Variants in KCNK13 observed in about 807,000 individuals in gnomAD.
KCNK13 encodes the protein potassium two pore domain channel subfamily K member 13, also known as potassium channel subfamily K member 13.
KCNK13 carries 12 observed loss-of-function variants against 23.4 expected under a neutral mutation model. The ratio of observed to expected loss-of-function variants is 0.51; its 90% CI spans 0.33 to 0.83. The LOEUF (loss-of-function observed/expected upper bound fraction) is 0.83, where lower values mean the gene tolerates loss of function less well. Ranked by LOEUF, KCNK13 falls within the 40% of genes least tolerant of loss-of-function variation. KCNK13 has a pLI of 0.02. For synonymous variants in KCNK13, 231 were observed against 229.5 expected, an observed-to-expected ratio of 1.01 and a Z score of -0.06; for missense variants, 463 against 556.3, an observed-to-expected ratio of 0.83 and a Z score of 1.69.
intron 1 of KCNK13, among the ~76,000 whole-genome samples, chr14:90,084,128 T>C (rs976461905): frequency 1.3e-5 from 2 of 152,176 alleles, no homozygotes; most frequent in Non-Finnish European, 2.9e-5. Flanking sequence ...TGGTTTTTTT[T>C]CCCCCAAGAT....
chr14:90,148,032 G>A (rs1890093596), intron 1 of KCNK13, among the ~76,000 whole-genome samples: 1 of 152,132 alleles, frequency 6.6e-6, no homozygotes, highest in South Asian at 2.1e-4. Flanking sequence ...GCGTGGTGGT[G>A]CATGCCTGTA....
In KCNK13 at chr14:90,078,510, AAAAG is replaced by A. The variant is rs976706653; in HGVS notation, c.334+15978_334+15981del. ...GAAGAAAGGAGAAAGGAAAGAAAGA[AAAAG>A]AAAGAATAAAAGGCATGCTTGGAAT... On this transcript the variant is annotated intron_variant, in intron 1 of 1. Transcript: ENST00000282146. Among the ~76,000 whole-genome samples the A allele has an allele frequency of 2.1e-3, 321 of 152,012 alleles. 3 individuals are homozygous for A. Among genetic ancestry groups the A allele is most frequent in the African/African-American group, 6.6e-3 (273 of 41,460 alleles).
intron 1 of KCNK13, among the ~76,000 whole-genome samples, chr14:90,176,497 G>A (rs942657426): frequency 6.6e-6 from 1 of 151,980 alleles, no homozygotes; most frequent in Admixed American, 6.6e-5. Flanking sequence ...GACATTGGAG[G>A]GGCTTTTTAC....
intron 1 of KCNK13, among the ~76,000 whole-genome samples, chr14:90,152,021 G>T (rs1049018832): frequency 1.3e-5 from 2 of 152,088 alleles, no homozygotes; most frequent in South Asian, 4.1e-4. Context: ...TTTGGTTACA[G>T]TAGCTGATAT....
Position 90,071,500 on chromosome 14 carries a change from A to G in KCNK13, c.334+8961A>G, listed in dbSNP as rs74429139. ...GTCCCTCCTGGTCCCATCTCCCCAC[A>G]TCTCTCTGTGCTCCCTGTTATCAGG... On this transcript the variant is annotated intron_variant, in intron 1 of 1. Coordinates refer to ENST00000282146, the MANE Select transcript of KCNK13 (RefSeq NM_022054.4). Among the ~76,000 whole-genome samples, 1,204 of 151,976 alleles carry G rather than the reference A, an allele frequency of 7.9e-3. 14 individuals are homozygous for G. Among genetic ancestry groups the G allele is most frequent in the African/African-American group, 0.028 (1,143 of 41,406 alleles).
intron 1 of KCNK13, among the ~76,000 whole-genome samples, chr14:90,154,042 G>A (rs1453575708): frequency 6.6e-6 from 1 of 152,130 alleles, no homozygotes; most frequent in Non-Finnish European, 1.5e-5. Flanking sequence ...TTGGCCCTAT[G>A]CTCTGACTTC....
At chr14:90,107,540 G>T in intron 1 of KCNK13, 1 of 394,608 alleles carries the variant, frequency 2.5e-6, no homozygotes, top group Admixed American at 3.8e-5. Flanking sequence ...TGCCTGCCTG[G>T]AAATTTCAGT....
chr14:90,071,059 A>T (rs1431163760), intron 1 of KCNK13, among the ~76,000 whole-genome samples: 1 of 152,222 alleles, frequency 6.6e-6, no homozygotes. Context: ...GTATTCATAT[A>T]TGCTCATCTT....
intron 1 of KCNK13, among the ~76,000 whole-genome samples, chr14:90,147,295 C>T (rs1031597479): frequency 1.3e-5 from 2 of 152,098 alleles, no homozygotes; most frequent in East Asian, 1.9e-4. Flanking sequence ...CTCTGTCACC[C>T]AGGCTGGAAT....
intron 1 of KCNK13, among the ~76,000 whole-genome samples, chr14:90,116,972 CTG>C (rs1167137144): frequency 3.3e-5 from 5 of 152,184 alleles, no homozygotes; most frequent in Admixed American, 1.3e-4. Flanking sequence ...CTATATGATA[CTG>C]TGTTTCCTGC....
chr14:90,063,686 G>A (rs551926044), intron 1 of KCNK13, among the ~76,000 whole-genome samples: 50 of 152,304 alleles, frequency 3.3e-4, no homozygotes, highest in African/African-American at 1.1e-3. Context: ...GAGGTGGGGC[G>A]ACAAGTTGAG....
At chr14:90,080,409 T>A (rs1469947728) in intron 1 of KCNK13, among the ~76,000 whole-genome samples, 2 of 152,076 alleles carry the variant, frequency 1.3e-5, no homozygotes, top group Non-Finnish European at 2.9e-5. Context: ...TGAGCCGAGA[T>A]CACTCTATTG....
chr14:90,098,548 C>T lies in KCNK13; in HGVS notation c.334+36009C>T, dbSNP rs570009430. ...TCACCTGAGGTCAGCAGTTCGAGAC[C>T]GGGAGTCCTGAGACCAGGAGTTATA... On this transcript the variant is annotated intron_variant, in intron 1 of 1. Transcript: ENST00000282146. 4.8e-4 allele frequency among the ~76,000 whole-genome samples: 72 copies of T among 150,622 alleles called. No homozygotes were observed. The South Asian group carries it at 0.014, about 28-fold the overall frequency.
chr14:90,179,274 C>T (rs1890458773), intron 1 of KCNK13, among the ~76,000 whole-genome samples: 1 of 151,198 alleles, frequency 6.6e-6, no homozygotes, highest in South Asian at 2.1e-4. Context: ...ATTATACTTT[C>T]TGCTCTGCCT....
At chr14:90,126,017 G>T (rs980791419) in intron 1 of KCNK13, among the ~76,000 whole-genome samples, 2 of 74,812 alleles carry the variant, frequency 2.7e-5, no homozygotes, top group East Asian at 7.9e-4. Flanking sequence ...ATAGTGAGAC[G>T]CTATTTAAAA....
chr14:90,171,418 T>A (rs1453873282), intron 1 of KCNK13, among the ~76,000 whole-genome samples: 1 of 152,262 alleles, frequency 6.6e-6, no homozygotes, highest in African/African-American at 2.4e-5. Context: ...GACTGCTTTT[T>A]TGATTTGTAT....
intron 1 of KCNK13, among the ~76,000 whole-genome samples, chr14:90,140,535 C>T (rs1223494973): frequency 1.3e-5 from 2 of 152,108 alleles, no homozygotes; most frequent in Non-Finnish European, 2.9e-5. Context: ...TCCCCTCTCT[C>T]TAAAGAGAGA....
chr14:90,108,541 C>G (rs1376348578), intron 1 of KCNK13, among the ~76,000 whole-genome samples: 2 of 152,194 alleles, frequency 1.3e-5, no homozygotes, highest in Non-Finnish European at 2.9e-5. Context: ...TTGAGAATCA[C>G]TGCTCTGAAC....
intron 1 of KCNK13, among the ~76,000 whole-genome samples, chr14:90,179,922 C>G (rs1009276631): frequency 1.3e-5 from 2 of 152,182 alleles, no homozygotes; most frequent in Non-Finnish European, 2.9e-5. Flanking sequence ...CAGCCAAACC[C>G]TGCCCCCCCT....
Sources: allele counts gnomAD v4.1 joint callset (sites outside exome capture counted in the v4.1 genomes callset), GRCh38; gene constraint gnomAD v4.1.1; transcripts MANE v1.5; gene names NCBI Gene and HGNC (gene_info 2026-07-23, HGNC 2026-07-21).